MFAP3L: variants seen among roughly 807,000 people sequenced by gnomAD.
MFAP3L encodes the protein microfibrillar-associated protein 3-like.
A neutral mutation model predicts 20.0 loss-of-function variants in MFAP3L; 5 were observed. The observed-to-expected ratio is 0.25, with a 90% CI of 0.13 to 0.53. MFAP3L has a LOEUF of 0.53. Among genes scored for constraint, MFAP3L ranks in the 20% least tolerant of loss-of-function variants. The probability of loss-of-function intolerance (pLI) is 0.96; values close to 1 mark genes in which losing one functional copy is unlikely to be tolerated. For synonymous variants in MFAP3L, 219 were observed against 213.0 expected, an observed-to-expected ratio of 1.03 and a Z score of -0.25; for missense variants, 409 against 527.5, an observed-to-expected ratio of 0.78 and a Z score of 2.20.
At chr4:169,998,247 G>T (rs772682989) in intron 2 of MFAP3L, among the ~76,000 whole-genome samples, 1 of 152,244 alleles carries the variant, frequency 6.6e-6, no homozygotes, top group Non-Finnish European at 1.5e-5. Flanking sequence ...CTGGCAATGA[G>T]AGAACAGATC....
intron 1 of MFAP3L, among the ~76,000 whole-genome samples, chr4:170,012,052 C>T (rs6842442): frequency 0.45 from 67,857 of 151,936 alleles, 15,407 homozygotes; most frequent in East Asian, 0.71. Flanking sequence ...TAGTATGCAA[C>T]GCCAAGGATG....
At chr4:169,994,716 A>G (rs1272912031) in intron 2 of MFAP3L, among the ~76,000 whole-genome samples, 1 of 152,232 alleles carries the variant, frequency 6.6e-6, no homozygotes, top group East Asian at 1.9e-4. Context: ...TAATTAGGTG[A>G]TATGTGTGGT....
chr4:170,015,069 T>G (rs1739613168), intron 1 of MFAP3L, among the ~76,000 whole-genome samples: 1 of 152,160 alleles, frequency 6.6e-6, no homozygotes, highest in Admixed American at 6.5e-5. Context: ...ATGGATAGGA[T>G]CAGGTGCCTG....
chr4:170,002,485 A>G (rs1373624083), intron 2 of MFAP3L, among the ~76,000 whole-genome samples: 1 of 152,054 alleles, frequency 6.6e-6, no homozygotes, highest in Admixed American at 6.6e-5. Context: ...TACCTAGGTA[A>G]GGTTCTAGGA....
rs1197553574 is a variant in MFAP3L, at chr4:169,989,958, G to A, written c.*1420C>T. 6.6e-6 allele frequency: 1 copy of A among 152,202 alleles called. No homozygotes were observed. The highest frequency in any genetic ancestry group is 1.5e-5 in the Non-Finnish European group (1 of 68,048). The allele number at this position is 152,202 out of a possible 1,614,324, so 9.4% of individuals were successfully genotyped here. Reference sequence around the variant, plus strand: ...TAATGAAGCATGAAAATGTTAGGTGGACCAAGAGATGAAAGCAAAAATCTT... The same window carrying A: ...TAATGAAGCATGAAAATGTTAGGTGAACCAAGAGATGAAAGCAAAAATCTT... On this transcript the variant is annotated 3_prime_UTR_variant, in exon 3 of 3. Transcript: ENST00000361618.
chr4:170,024,499 A>G (rs749213769), intron 1 of MFAP3L, among the ~76,000 whole-genome samples: 1 of 152,222 alleles, frequency 6.6e-6, no homozygotes, highest in East Asian at 1.9e-4. Flanking sequence ...GTACTTCATG[A>G]AAGATTTTAA....
intron 1 of MFAP3L, 90 bp downstream of exon 1, chr4:170,026,144 G>C (rs1032899197): frequency 5.2e-6 from 4 of 764,694 alleles, no homozygotes; most frequent in South Asian, 1.2e-4. Context: ...AAAGTTCGGC[G>C]GCCCCGGCGC....
chr4:169,991,856 C>T lies in MFAP3L; in HGVS notation c.752G>A (p.Arg251Lys), dbSNP rs1472333166. ...CTCCATAATCTCCTCCATGATAGTCCTGCAGTTCATAATGAGAGGCGGCAG... is the reference window on the plus strand; with the variant it reads ...CTCCATAATCTCCTCCATGATAGTCTTGCAGTTCATAATGAGAGGCGGCAG... ...VPLPPLIMNC[R>K]TIMEEIMEVV... The change falls in exon 3 of 3, where the codon AGG becomes AAG. Residue 251 changes from arginine (R) to lysine (K), a missense_variant. Arg to Lys is a conservative substitution (Grantham distance 26, BLOSUM62 2). Around this residue, in one of 3 missense-constraint regions of MFAP3L, gnomAD observed 127 missense variants for 218.1 expected, o/e 0.58. Transcript: ENST00000361618. This position sits in a 1 kb window ranked among gnomAD's most constrained non-coding sequence, Gnocchi z 4.9. 3 of 1,614,156 alleles carry T rather than the reference C, an allele frequency of 1.9e-6. No individual in the cohort carries two copies. The highest frequency in any genetic ancestry group is 2.5e-6 in the Non-Finnish European group (3 of 1,180,022).
chr4:169,991,136 T>G lies in MFAP3L; in HGVS notation c.*242A>C. ...GCAGAGATCAGCCTCTGAAACTCAT[T>G]ATCACATAGACACCTTCTGTCTGGT... is the stretch of plus-strand genomic sequence containing the variant. On this transcript the variant is annotated 3_prime_UTR_variant, in exon 3 of 3. Coordinates refer to ENST00000361618, the MANE Select transcript of MFAP3L (RefSeq NM_021647.8). This position sits in a 1 kb window ranked among gnomAD's most constrained non-coding sequence, Gnocchi z 4.9. 1.9e-6 allele frequency: 1 copy of G among 538,342 alleles called. No individual in the cohort carries two copies. The highest frequency in any genetic ancestry group is 2.8e-5 in the South Asian group (1 of 36,280). 33.3% of individuals were successfully genotyped at this position (538,342 alleles called of 1,614,324 possible). A position where few individuals can be genotyped will look rare whatever the true frequency, so the allele number is the denominator to read the frequency against.
intron 2 of MFAP3L, among the ~76,000 whole-genome samples, chr4:169,998,996 T>C (rs1738417619): frequency 6.6e-6 from 1 of 152,266 alleles, no homozygotes; most frequent in African/African-American, 2.4e-5. Context: ...GCACATATTT[T>C]GTGAAATACA....
chr4:170,003,793 G>A, intron 2 of MFAP3L: 1 of 985,440 alleles, frequency 1.0e-6, no homozygotes, highest in Non-Finnish European at 1.2e-6. Context: ...AAGGTACCTG[G>A]CCTGCAGTGT....
intron 2 of MFAP3L, chr4:169,994,109 A>G (rs1737951968): frequency 1.1e-6 from 1 of 934,350 alleles, no homozygotes. Context: ...AAACAGAACA[A>G]AAGTCTAACT....
chr4:170,004,056 A>C (rs1581486713), intron 2 of MFAP3L, among the ~76,000 whole-genome samples: 1 of 152,274 alleles, frequency 6.6e-6, no homozygotes, highest in African/African-American at 2.4e-5. Context: ...TCCTGGGTTC[A>C]AGAGATTATT....
In MFAP3L at chr4:170,022,301, G is replaced by T. The variant is rs189521392; in HGVS notation, c.-134+3933C>A. Among the ~76,000 whole-genome samples, 6 of 152,312 alleles carry T rather than the reference G, an allele frequency of 3.9e-5. No homozygotes were observed. In the East Asian group the frequency reaches 9.6e-4, roughly 24 times the overall value. Reference sequence around the variant, plus strand: ...CTTGTTGGACTTCCTTTATCAAGCTGCCCTGTGAAACCTGGGGTTTAGTTA... The same window carrying T: ...CTTGTTGGACTTCCTTTATCAAGCTTCCCTGTGAAACCTGGGGTTTAGTTA... On this transcript the variant is annotated intron_variant, in intron 1 of 2. Coordinates refer to ENST00000361618, the MANE Select transcript of MFAP3L (RefSeq NM_021647.8).
At chr4:169,997,195 G>A (rs960166966) in intron 2 of MFAP3L, among the ~76,000 whole-genome samples, 26 of 152,000 alleles carry the variant, frequency 1.7e-4, no homozygotes, top group Admixed American at 5.2e-4. Context: ...CAACTACTCC[G>A]AAGATCTAAA....
At chr4:170,001,014 C>T (rs562495303) in intron 2 of MFAP3L, among the ~76,000 whole-genome samples, 1 of 152,272 alleles carries the variant, frequency 6.6e-6, no homozygotes, top group African/African-American at 2.4e-5. Flanking sequence ...TGAGCCACTG[C>T]ACATGGCCTT....
intron 1 of MFAP3L, among the ~76,000 whole-genome samples, chr4:170,012,682 G>A (rs1328521334): frequency 6.6e-6 from 1 of 152,206 alleles, no homozygotes; most frequent in Admixed American, 6.5e-5. Context: ...AAGAATTAGA[G>A]CCTGTCTTTT....
Position 170,005,729 on chromosome 4 carries a change from A to G in MFAP3L, c.149T>C (p.Ile50Thr). 1 of 1,614,236 alleles carries G rather than the reference A, an allele frequency of 6.2e-7. No homozygotes were observed. The highest frequency in any genetic ancestry group is 8.5e-7 in the Non-Finnish European group (1 of 1,180,040). The change falls in exon 2 of 3, where the codon ATT (isoleucine) becomes ACT (threonine). Residue 50 changes from isoleucine to threonine, a missense_variant. Around this residue, in one of 3 missense-constraint regions of MFAP3L, gnomAD observed 113 missense variants for 131.1 expected, o/e 0.86. Transcript: ENST00000361618. ...GACTATGATATGGTCAGTTCTGGCAATGATTACGGGCACAGAGCCCAAGAC... is the reference window on the plus strand; with the variant it reads ...GACTATGATATGGTCAGTTCTGGCAGTGATTACGGGCACAGAGCCCAAGAC... ...NVVLGSVPVIIARTDHIIVKE... is the reference protein window; with the variant it reads ...NVVLGSVPVITARTDHIIVKE...
At chr4:170,018,684 T>C (rs1739846318) in intron 1 of MFAP3L, among the ~76,000 whole-genome samples, 1 of 152,180 alleles carries the variant, frequency 6.6e-6, no homozygotes. Context: ...AAAAATGTTT[T>C]GAAATGGAGA....
Sources: allele counts gnomAD v4.1 joint callset (sites outside exome capture counted in the v4.1 genomes callset), GRCh38; gene constraint gnomAD v4.1.1; regional missense constraint gnomAD v4.1.1; non-coding constraint Gnocchi (gnomAD v3.1); transcripts MANE v1.5; gene names NCBI Gene and HGNC (gene_info 2026-07-23, HGNC 2026-07-21).